Variants in NIPBL observed in about 807,000 individuals in gnomAD.
The protein encoded by NIPBL is nipped-B-like protein.
NIPBL carries 19 observed loss-of-function variants against 321.8 expected under a neutral mutation model. The observed-to-expected ratio is 0.06, with a 90% CI of 0.04 to 0.09. The LOEUF is 0.09. Among genes scored for constraint, NIPBL ranks in the 10% least tolerant of loss-of-function variants. The probability of loss-of-function intolerance (pLI) is 1.00; values close to 1 mark genes in which losing one functional copy is unlikely to be tolerated. For synonymous variants in NIPBL, 1,106 were observed against 1,114.1 expected (o/e 0.99, Z 0.14); for missense variants, 2,210 against 3,327.0 (o/e 0.66, Z 8.26).
intron 17 of NIPBL, 42 bp downstream of exon 17, chr5:37,006,630 T>C (rs1004046525): frequency 1.5e-6 from 2 of 1,358,272 alleles, no homozygotes; most frequent in South Asian, 1.2e-5. Context: ...ATTTTTGCCA[T>C]GTTAGATGAG....
At chr5:37,043,163 A>G (rs1285109723) in intron 34 of NIPBL, among the ~76,000 whole-genome samples, 3 of 152,172 alleles carry the variant, frequency 2.0e-5, no homozygotes, top group Non-Finnish European at 4.4e-5. Context: ...TGGGTGGCCA[A>G]GGCAGGAGGA....
chr5:36,947,188 T>TA lies in NIPBL; in HGVS notation c.-79-6428dup, dbSNP rs1307775184. 3.9e-5 allele frequency among the ~76,000 whole-genome samples: 6 copies of TA among 152,088 alleles called. 1 individual carries two copies. Reference sequence around the variant, plus strand: ...CTTGCCTATCTGATCTATTATAATGTAACTGTTATCAACCCTCAATAAGTG... The same window carrying TA: ...CTTGCCTATCTGATCTATTATAATGTAAACTGTTATCAACCCTCAATAAGTG... On this transcript the variant is annotated intron_variant, in intron 1 of 46. Coordinates refer to ENST00000282516, the MANE Select transcript of NIPBL (RefSeq NM_133433.4).
At chr5:36,901,281 CT>C (rs1747188442) in intron 1 of NIPBL, among the ~76,000 whole-genome samples, 2 of 152,092 alleles carry the variant, frequency 1.3e-5, no homozygotes, top group African/African-American at 4.8e-5. Flanking sequence ...TGATTTCATC[CT>C]TTTTTATGGC....
At chr5:37,012,941 C>T (rs1253642153) in intron 21 of NIPBL, among the ~76,000 whole-genome samples, 5 of 152,232 alleles carry the variant, frequency 3.3e-5, no homozygotes, top group African/African-American at 4.8e-5. Flanking sequence ...TCCACAAAAC[C>T]GCCATTGTCA....
chr5:36,967,732 G>A (rs780132863), intron 6 of NIPBL, among the ~76,000 whole-genome samples: 1 of 152,010 alleles, frequency 6.6e-6, no homozygotes, highest in Non-Finnish European at 1.5e-5. Context: ...TTGCTGTATT[G>A]CACAGGCTAG....
chr5:37,010,338 C>A, intron 21 of NIPBL, 113 bp downstream of exon 21: 1 of 896,132 alleles, frequency 1.1e-6, no homozygotes, highest in Non-Finnish European at 1.7e-6. Context: ...TTTTTTGAGA[C>A]GGAGTCTCGC....
At chr5:37,009,498 A>G (rs1747842039) in intron 20 of NIPBL, among the ~76,000 whole-genome samples, 1 of 152,196 alleles carries the variant, frequency 6.6e-6, no homozygotes, top group African/African-American at 2.4e-5. Flanking sequence ...ATTTTATCTT[A>G]ATCATTTTTT....
chr5:37,054,749 G>T (rs1490376647), intron 42 of NIPBL, among the ~76,000 whole-genome samples: 1 of 152,128 alleles, frequency 6.6e-6, no homozygotes, highest in Admixed American at 6.5e-5. Flanking sequence ...AGAATGAGAG[G>T]GATCTGCTAT....
chr5:36,983,248 G>C (rs750369469), intron 9 of NIPBL, among the ~76,000 whole-genome samples: 1 of 151,862 alleles, frequency 6.6e-6, no homozygotes, highest in African/African-American at 2.4e-5. Flanking sequence ...TGCAAATGGA[G>C]CATGTGTGGT....
intron 42 of NIPBL, among the ~76,000 whole-genome samples, chr5:37,053,367 A>G: frequency 6.6e-6 from 1 of 152,236 alleles, no homozygotes. Flanking sequence ...CATCATATAT[A>G]TAGTTTGTAA....
chr5:36,976,479 A>G, intron 9 of NIPBL, 77 bp downstream of exon 9: 1 of 1,426,268 alleles, frequency 7.0e-7, no homozygotes, highest in South Asian at 1.2e-5. Context: ...TTTTCACATT[A>G]CTTTTTTCCC....
chr5:36,882,845 A>T (rs1328514498), intron 1 of NIPBL, among the ~76,000 whole-genome samples: 2 of 151,874 alleles, frequency 1.3e-5, no homozygotes, highest in African/African-American at 2.4e-5. Flanking sequence ...TGTTTTGATC[A>T]GTTATAGCTG....
chr5:36,898,511 CTTTTT>C (rs550485997), intron 1 of NIPBL, among the ~76,000 whole-genome samples: 1 of 135,388 alleles, frequency 7.4e-6, no homozygotes, highest in Non-Finnish European at 1.6e-5. Flanking sequence ...TTTCTGATTC[CTTTTT>C]TTTTTTTTTT....
chr5:36,985,330 A>C lies in NIPBL; in HGVS notation c.2150A>C (p.Lys717Thr). The change falls in exon 10 of 47, where the codon AAG becomes ACG. Residue 717 changes from lysine to threonine, a missense_variant. Transcript: ENST00000282516. ...AGCCGGCCTGAGACTCCAAAACAAA[A>C]GAGTGATGGGCATCCTGAAACCCCA... is the stretch of plus-strand genomic sequence containing the variant. ...GESRPETPKQ[K>T]SDGHPETPKQ... The C allele has an allele frequency of 6.2e-7, 1 of 1,613,808 alleles. No individual in the cohort carries two copies. The highest frequency in any genetic ancestry group is 8.5e-7 in the Non-Finnish European group (1 of 1,179,970).
chr5:36,920,957 A>G (rs1748891976), intron 1 of NIPBL, among the ~76,000 whole-genome samples: 8 of 151,160 alleles, frequency 5.3e-5, no homozygotes. Context: ...TGCTTTTACT[A>G]TTTTGATCTT....
chr5:36,953,208 A>G (rs1740597662), intron 1 of NIPBL, among the ~76,000 whole-genome samples: 1 of 152,184 alleles, frequency 6.6e-6, no homozygotes, highest in African/African-American at 2.4e-5. Context: ...ATGAGGTTAA[A>G]TGTTTAACGT....
At chr5:37,001,598 A>G (rs1173235987) in intron 14 of NIPBL, among the ~76,000 whole-genome samples, 2 of 152,156 alleles carry the variant, frequency 1.3e-5, no homozygotes, top group East Asian at 3.8e-4. Flanking sequence ...CTAATGACCA[A>G]TATTTATTGA....
chr5:36,934,933 TAGAA>T (rs1407539763), intron 1 of NIPBL, among the ~76,000 whole-genome samples: 2 of 152,138 alleles, frequency 1.3e-5, no homozygotes, highest in African/African-American at 2.4e-5. Context: ...AGTTACCAGA[TAGAA>T]GGACTCACAC....
intron 10 of NIPBL, among the ~76,000 whole-genome samples, chr5:36,993,306 T>G (rs1420257092): frequency 1.3e-5 from 2 of 152,202 alleles, no homozygotes; most frequent in Non-Finnish European, 2.9e-5. Flanking sequence ...TTTCAAAGTT[T>G]TACAGAAGTT....
Sources: allele counts gnomAD v4.1 joint callset (sites outside exome capture counted in the v4.1 genomes callset), GRCh38; gene constraint gnomAD v4.1.1; transcripts MANE v1.5; gene names NCBI Gene and HGNC (gene_info 2026-07-23, HGNC 2026-07-21).